CSNK1G1: variants seen among roughly 807,000 people sequenced by gnomAD.
CSNK1G1 encodes the protein casein kinase I isoform gamma-1.
A neutral mutation model predicts 59.6 loss-of-function variants in CSNK1G1; 22 were observed. The ratio of observed to expected loss-of-function variants is 0.37; its 90% CI spans 0.26 to 0.53. The LOEUF is 0.53. Ranked by LOEUF, CSNK1G1 falls within the 20% of genes least tolerant of loss-of-function variation. CSNK1G1 has a pLI of 0.89. For synonymous variants in CSNK1G1, 179 were observed against 177.1 expected (o/e 1.01, Z -0.08); for missense variants, 384 against 519.5 (o/e 0.74, Z 2.54).
At chr15:64,213,835 A>G in intron 6 of CSNK1G1, 55 bp downstream of exon 6, 3 of 1,212,534 alleles carry the variant, frequency 2.5e-6, no homozygotes, top group Non-Finnish European at 3.6e-6. Flanking sequence ...AATGTTACAG[A>G]AATAATAAAC....
At position 64,290,983 on chromosome 15, in the gene CSNK1G1, A is replaced by G. The variant is rs140767082; in HGVS notation, c.181+9336T>C. ...TCTGCTTTGGCCTCCCAAAGTGCTG[A>G]GATTACAGGCGTGAGCCACCATGCC... On this transcript the variant is annotated intron_variant, in intron 2 of 11. Coordinates refer to ENST00000303052, the MANE Select transcript of CSNK1G1 (RefSeq NM_022048.5). Among the ~76,000 whole-genome samples the G allele has an allele frequency of 9.2e-3, 1,395 of 152,212 alleles. 12 individuals are homozygous for G. Among genetic ancestry groups the G allele is most frequent in the Non-Finnish European group, 0.014 (972 of 68,004 alleles).
At chr15:64,241,368 T>C (rs79505372) in intron 4 of CSNK1G1, among the ~76,000 whole-genome samples, 7,818 of 152,286 alleles carry the variant, frequency 0.051, 297 homozygotes, top group South Asian at 0.11. Flanking sequence ...TAAAATATTA[T>C]TGGATCTAAT....
At chr15:64,187,360 T>C (rs559321104) in intron 10 of CSNK1G1, among the ~76,000 whole-genome samples, 6,484 of 147,876 alleles carry the variant, frequency 0.044, 147 homozygotes, top group South Asian at 0.079. Flanking sequence ...CCTGGCTAAT[T>C]TTTTTTTTTT....
In CSNK1G1 at chr15:64,188,763, GT is replaced by G. The variant is rs2140224271; in HGVS notation, c.1108-8310del. On this transcript the variant is annotated intron_variant, in intron 10 of 11. Coordinates refer to ENST00000303052, the MANE Select transcript of CSNK1G1 (RefSeq NM_022048.5). The surrounding 1 kb of genome is among the most constrained non-coding windows in gnomAD (Gnocchi z 4.2). ...AGGAGGGAGGGGGAAAAAACACACA[GT>G]CAAAGCTGGGATCATCTTTTAGTTT... Among the ~76,000 whole-genome samples, 1 of 152,230 alleles carries G rather than the reference GT, an allele frequency of 6.6e-6. No homozygotes were observed. Among genetic ancestry groups the G allele is most frequent in the South Asian group, 2.1e-4 (1 of 4,826 alleles).
intron 1 of CSNK1G1, among the ~76,000 whole-genome samples, chr15:64,327,107 G>A (rs1028921435): frequency 2.9e-4 from 44 of 152,180 alleles, no homozygotes; most frequent in African/African-American, 8.9e-4. Context: ...AGGGGCGCCC[G>A]CCATTGCCCA....
chr15:64,190,598 G>A (rs2081957520), intron 10 of CSNK1G1, among the ~76,000 whole-genome samples: 1 of 152,050 alleles, frequency 6.6e-6, no homozygotes, highest in Non-Finnish European at 1.5e-5. Context: ...ATTTTTGGTA[G>A]AGACAGGGTT....
At position 64,300,962 on chromosome 15, in the gene CSNK1G1, G is replaced by T. The variant is rs978018319; in HGVS notation, c.-224-239C>A. Among the ~76,000 whole-genome samples, 10 of 152,172 alleles carry T rather than the reference G, an allele frequency of 6.6e-5. No individual in the cohort carries two copies. In the East Asian group the frequency reaches 1.3e-3, roughly 21 times the overall value. On this transcript the variant is annotated intron_variant, in intron 1 of 11. Transcript: ENST00000303052. ...CAGAAACACACAAGCCTTTAATATA[G>T]AATGCTTTCTTCTAGTAATGTATCT...
chr15:64,333,986 G>T (rs1015217737), intron 1 of CSNK1G1, among the ~76,000 whole-genome samples: 7 of 152,136 alleles, frequency 4.6e-5, no homozygotes, highest in African/African-American at 7.2e-5. Flanking sequence ...GCCCTAGATA[G>T]ATAGATCTTC....
intron 2 of CSNK1G1, among the ~76,000 whole-genome samples, chr15:64,281,458 A>C: frequency 6.6e-6 from 1 of 152,144 alleles, no homozygotes; most frequent in Non-Finnish European, 1.5e-5. Context: ...TAAAAAAAAT[A>C]AAAAGAGAAA....
chr15:64,321,501 C>T (rs548349525), intron 1 of CSNK1G1, among the ~76,000 whole-genome samples: 18 of 152,188 alleles, frequency 1.2e-4, no homozygotes, highest in African/African-American at 2.6e-4. Flanking sequence ...TGGATTCAAG[C>T]GATCCTCCTG....
chr15:64,263,385 C>T (rs903990144), intron 2 of CSNK1G1, among the ~76,000 whole-genome samples: 1 of 152,018 alleles, frequency 6.6e-6, no homozygotes, highest in African/African-American at 2.4e-5. Flanking sequence ...GACGGGGTTT[C>T]GCCATGTTGG....
At chr15:64,183,926 G>A (rs1203339653) in intron 10 of CSNK1G1, among the ~76,000 whole-genome samples, 3 of 151,784 alleles carry the variant, frequency 2.0e-5, no homozygotes, top group Non-Finnish European at 2.9e-5. Context: ...TAGTAGAAAT[G>A]GGGTTTCACC....
At chr15:64,205,593 T>C (rs989864344) in intron 7 of CSNK1G1, among the ~76,000 whole-genome samples, 2 of 152,240 alleles carry the variant, frequency 1.3e-5, no homozygotes, top group African/African-American at 2.4e-5. Context: ...TAGGGAATTC[T>C]TGTCAGGCTT....
At position 64,214,616 on chromosome 15, in the gene CSNK1G1, T is replaced by C. The variant is rs2082287462; in HGVS notation, c.445-492A>G. Among the ~76,000 whole-genome samples, 1 of 152,198 alleles carries C rather than the reference T, an allele frequency of 6.6e-6. No homozygotes were observed. Among genetic ancestry groups the C allele is most frequent in the Non-Finnish European group, 1.5e-5 (1 of 68,032 alleles). ...AGGCCCAGAGAAGTTAATACTGGCC[T>C]GACATCACATAGCTAATTAGCAGCA... On this transcript the variant is annotated intron_variant, in intron 5 of 11. Transcript: ENST00000303052. This position sits in a 1 kb window ranked among gnomAD's most constrained non-coding sequence, Gnocchi z 4.3.
rs74019227 is a variant in CSNK1G1 at position 64,210,403 on chromosome 15, C to T, written c.680-2809G>A. ...AACCAGAGCATGCTTTATTTTCATA[C>T]GACTTTGAACACTCCACACTTGTCC... On this transcript the variant is annotated intron_variant, in intron 6 of 11. Transcript: ENST00000303052. This position sits in a 1 kb window ranked among gnomAD's most constrained non-coding sequence, Gnocchi z 4.2. 3.3e-5 allele frequency among the ~76,000 whole-genome samples: 5 copies of T among 152,246 alleles called. No individual in the cohort carries two copies. The highest frequency in any genetic ancestry group is 4.8e-5 in the African/African-American group (2 of 41,558).
intron 2 of CSNK1G1, among the ~76,000 whole-genome samples, chr15:64,261,607 C>T (rs982439348): frequency 2.0e-5 from 3 of 150,788 alleles, no homozygotes; most frequent in Non-Finnish European, 4.4e-5. Flanking sequence ...GTCTCAAAAA[C>T]AACAACAACA....
At chr15:64,177,226 G>C (rs926751229) in intron 11 of CSNK1G1, among the ~76,000 whole-genome samples, 1 of 152,110 alleles carries the variant, frequency 6.6e-6, no homozygotes, top group Non-Finnish European at 1.5e-5. Flanking sequence ...CCCCAGTACT[G>C]AGGTGTGTCT....
At chr15:64,350,909 T>G (rs1669869314) in intron 1 of CSNK1G1, among the ~76,000 whole-genome samples, 1 of 151,982 alleles carries the variant, frequency 6.6e-6, no homozygotes, top group Non-Finnish European at 1.5e-5. Flanking sequence ...CCATTCTTTT[T>G]CTTTTTTTTT....
intron 2 of CSNK1G1, among the ~76,000 whole-genome samples, chr15:64,286,718 T>C (rs1321765197): frequency 6.6e-6 from 1 of 152,176 alleles, no homozygotes; most frequent in East Asian, 1.9e-4. Flanking sequence ...TAGGTAATTA[T>C]GGAAATCTAC....
Sources: gnomAD v4.1 joint callset for allele counts (sites outside exome capture counted in the v4.1 genomes callset) on GRCh38, gnomAD v4.1.1 for gene constraint, Gnocchi (gnomAD v3.1) non-coding constraint, MANE v1.5 for transcripts, NCBI Gene and HGNC (gene_info 2026-07-23, HGNC 2026-07-21) for gene names.